The following STK32B variants were observed in gnomAD, a reference collection of about 807,000 sequenced individuals.
The protein encoded by STK32B is serine/threonine kinase 32B.
In STK32B, 43 loss-of-function variants were observed where a neutral mutation model predicts 52.6. The ratio of observed to expected loss-of-function variants is 0.82; its 90% CI spans 0.64 to 1.05. The LOEUF is 1.05. Among genes scored for constraint, STK32B ranks in the 50% least tolerant of loss-of-function variants. STK32B has a pLI of 0.00. For missense variants in STK32B, 621 were observed against 534.6 expected (o/e 1.16, Z -1.59); for synonymous variants, 238 against 204.3 (o/e 1.17, Z -1.41).
intron 3 of STK32B, among the ~76,000 whole-genome samples, chr4:5,199,830 C>A (rs1721991329): frequency 6.6e-6 from 1 of 151,546 alleles, no homozygotes; most frequent in Admixed American, 6.6e-5. Flanking sequence ...GTGAAGCCTT[C>A]CCCACTCCCA....
chr4:5,340,899 C>T (rs754639984), intron 4 of STK32B, among the ~76,000 whole-genome samples: 3 of 152,062 alleles, frequency 2.0e-5, no homozygotes, highest in Non-Finnish European at 4.4e-5. Flanking sequence ...CTCATTTAAT[C>T]CTCACAGCAA....
At chr4:5,287,227 C>T (rs989498249) in intron 3 of STK32B, among the ~76,000 whole-genome samples, 5 of 152,210 alleles carry the variant, frequency 3.3e-5, no homozygotes, top group African/African-American at 7.2e-5. Context: ...TTCCAGTCAA[C>T]AGTGAATGAG....
chr4:5,286,794 CTT>C (rs60300816), intron 3 of STK32B, among the ~76,000 whole-genome samples: 7,450 of 112,488 alleles, frequency 0.066, 120 homozygotes, highest in South Asian at 0.089. Context: ...TACAGATGTA[CTT>C]TTTTTTTTTT....
intron 3 of STK32B, among the ~76,000 whole-genome samples, chr4:5,219,002 C>A (rs1723355015): frequency 6.6e-6 from 1 of 152,200 alleles, no homozygotes; most frequent in African/African-American, 2.4e-5. Context: ...TACTCCAGAC[C>A]AGCCCCAAAT....
At chr4:5,120,358 G>A (rs181218001) in intron 1 of STK32B, among the ~76,000 whole-genome samples, 2 of 152,130 alleles carry the variant, frequency 1.3e-5, no homozygotes, top group Non-Finnish European at 1.5e-5. Flanking sequence ...ATCTCATATT[G>A]TCACAAGAAG....
intron 4 of STK32B, among the ~76,000 whole-genome samples, chr4:5,375,928 C>T (rs1024211898): frequency 6.6e-6 from 1 of 152,160 alleles, no homozygotes; most frequent in African/African-American, 2.4e-5. Context: ...CAGTTCAGAC[C>T]TTGGCTTACT....
intron 1 of STK32B, among the ~76,000 whole-genome samples, chr4:5,102,521 T>C (rs28497513): frequency 0.34 from 38,291 of 113,194 alleles, 6,069 homozygotes; most frequent in East Asian, 0.52. Context: ...TCCTTCCTTC[T>C]TTCTTTCTTT....
intron 4 of STK32B, among the ~76,000 whole-genome samples, chr4:5,335,885 A>T (rs1414198285): frequency 6.6e-6 from 1 of 151,220 alleles, no homozygotes; most frequent in African/African-American, 2.4e-5. Flanking sequence ...TGCTGAGGAG[A>T]GCTTTATTTC....
intron 3 of STK32B, among the ~76,000 whole-genome samples, chr4:5,171,853 T>C (rs918970673): frequency 2.6e-5 from 4 of 151,028 alleles, no homozygotes; most frequent in African/African-American, 9.7e-5. Flanking sequence ...AGAAAGTCAT[T>C]GGTAGCTTGA....
At chr4:5,037,003 G>GC in the STK32B span, among the ~76,000 whole-genome samples, 1 of 152,102 alleles carries the variant, frequency 6.6e-6, no homozygotes, top group Non-Finnish European at 1.5e-5. Context: ...CAGCTCTCTG[G>GC]CAAGAGTGTG....
intron 2 of STK32B, among the ~76,000 whole-genome samples, chr4:5,149,051 A>G (rs1434462525): frequency 6.6e-6 from 1 of 151,770 alleles, no homozygotes; most frequent in Non-Finnish European, 1.5e-5. Context: ...ACTTATGCTT[A>G]TTGCGTTCAG....
intron 6 of STK32B, among the ~76,000 whole-genome samples, chr4:5,433,635 T>C (rs1342073831): frequency 6.6e-6 from 1 of 152,168 alleles, no homozygotes; most frequent in East Asian, 1.9e-4. Flanking sequence ...AATTTAGTAA[T>C]TCTGTGTTCC....
rs562094082 is a variant in STK32B at position 5,335,148 on chromosome 4, T to C, written c.434+3755T>C. ...GGTAAGCTATTGATTATTGCCACAA[T>C]TTCAGATCCTGTTATTGATCTATTC... On this transcript the variant is annotated intron_variant, in intron 4 of 11. Transcript: ENST00000282908. 1.4e-3 allele frequency among the ~76,000 whole-genome samples: 214 copies of C among 152,354 alleles called. 5 individuals carry two copies. Among genetic ancestry groups the C allele is most frequent in the Admixed American group, 0.012 (184 of 15,302 alleles).
intron 4 of STK32B, among the ~76,000 whole-genome samples, chr4:5,338,974 C>T (rs925408673): frequency 2.6e-5 from 4 of 152,194 alleles, no homozygotes; most frequent in Non-Finnish European, 4.4e-5. Flanking sequence ...CTGCATGAAG[C>T]AGATGGCCCT....
intron 1 of STK32B, among the ~76,000 whole-genome samples, chr4:5,094,926 A>G (rs768550476): frequency 1.3e-5 from 2 of 151,990 alleles, no homozygotes; most frequent in Non-Finnish European, 2.9e-5. Context: ...AATTCACCCA[A>G]CCTGCATTAC....
intron 3 of STK32B, among the ~76,000 whole-genome samples, chr4:5,247,874 T>C (rs574254692): frequency 1.3e-5 from 2 of 152,282 alleles, no homozygotes; most frequent in East Asian, 3.9e-4. Context: ...TGCCTGGCTT[T>C]ACAGTCTCAG....
At chr4:5,046,116 C>T in the STK32B span, among the ~76,000 whole-genome samples, 3 of 152,144 alleles carry the variant, frequency 2.0e-5, no homozygotes, top group Admixed American at 6.5e-5. Context: ...TCAAACTATA[C>T]TACAAGGCTA....
intron 11 of STK32B, among the ~76,000 whole-genome samples, chr4:5,494,490 C>T (rs1407888389): frequency 3.3e-5 from 5 of 152,192 alleles, no homozygotes; most frequent in Middle Eastern, 3.4e-3. Flanking sequence ...AGATGGGTTT[C>T]CTGAATACAG....
intron 4 of STK32B, among the ~76,000 whole-genome samples, chr4:5,366,244 G>A (rs900334392): frequency 1.3e-5 from 2 of 152,212 alleles, no homozygotes; most frequent in African/African-American, 2.4e-5. Context: ...CAGAATTGCT[G>A]TGAGGGTTGA....
Sources: gnomAD v4.1 joint callset for allele counts (sites outside exome capture counted in the v4.1 genomes callset) on GRCh38, gnomAD v4.1.1 for gene constraint, MANE v1.5 for transcripts, NCBI Gene and HGNC (gene_info 2026-07-23, HGNC 2026-07-21) for gene names.